Variants in HDAC4 observed in about 807,000 individuals in gnomAD.
The protein encoded by HDAC4 is histone deacetylase A.
In HDAC4, 16 loss-of-function variants were observed where a neutral mutation model predicts 135.1. The observed-to-expected ratio is 0.12, with a 90% CI of 0.08 to 0.18. HDAC4 has a LOEUF of 0.18. HDAC4 is among the 10% of genes least tolerant of loss of function. The pLI is 1.00. For synonymous variants in HDAC4, 685 were observed against 653.4 expected (o/e 1.05, Z -0.74); for missense variants, 1,143 against 1,511.8 (o/e 0.76, Z 4.05).
intron 9 of HDAC4, among the ~76,000 whole-genome samples, chr2:239,138,702 C>G (rs1427668618): frequency 6.6e-6 from 1 of 152,202 alleles, no homozygotes; most frequent in Non-Finnish European, 1.5e-5. Context: ...TCCCCGTGCT[C>G]TGGGGGTGGC....
intron 1 of HDAC4, among the ~76,000 whole-genome samples, chr2:239,368,980 G>A (rs1259499800): frequency 2.6e-5 from 4 of 152,138 alleles, no homozygotes; most frequent in African/African-American, 9.7e-5. Context: ...TCACCTGGGG[G>A]GAGGTGAATG....
rs1020172239 is a variant in HDAC4 at position 239,349,228 on chromosome 2, G to A, written c.22+3450C>T. Among the ~76,000 whole-genome samples, 3 of 152,100 alleles carry A rather than the reference G, an allele frequency of 2.0e-5. No homozygotes were observed. The highest frequency in any genetic ancestry group is 4.8e-5 in the African/African-American group (2 of 41,422). On this transcript the variant is annotated intron_variant, in intron 2 of 26. Transcript: ENST00000543185. The surrounding 1 kb of genome is among the most constrained non-coding windows in gnomAD (Gnocchi z 5.7). ...AGGACAGGGCCAGCTAGCAGAGGAC[G>A]GCACGAGAGACACACGGAGGGAGGG...
At chr2:239,201,277 G>A (rs2045739217) in intron 3 of HDAC4, among the ~76,000 whole-genome samples, 1 of 152,158 alleles carries the variant, frequency 6.6e-6, no homozygotes, top group Admixed American at 6.5e-5. Context: ...GTCACCCAGG[G>A]GGGTGCCTCA....
At chr2:239,088,760 T>G (rs993788349) in intron 18 of HDAC4, among the ~76,000 whole-genome samples, 6 of 152,238 alleles carry the variant, frequency 3.9e-5, no homozygotes, top group African/African-American at 1.4e-4. Context: ...CGTGAGAAAC[T>G]GTGAGCTTTC....
chr2:239,166,608 C>A (rs935678275), intron 5 of HDAC4, among the ~76,000 whole-genome samples: 1 of 152,240 alleles, frequency 6.6e-6, no homozygotes, highest in African/African-American at 2.4e-5. Context: ...AGATCACACA[C>A]TTATGGAAAC....
At chr2:239,397,533 G>A (rs1041927170) in intron 1 of HDAC4, among the ~76,000 whole-genome samples, 1 of 152,178 alleles carries the variant, frequency 6.6e-6, no homozygotes, top group Non-Finnish European at 1.5e-5. Flanking sequence ...AGGTGTGTCA[G>A]CAAGGCCACA....
At chr2:239,336,629 T>C (rs1428487421) in intron 2 of HDAC4, among the ~76,000 whole-genome samples, 2 of 152,244 alleles carry the variant, frequency 1.3e-5, no homozygotes, top group Admixed American at 6.5e-5. Context: ...ATGTACTTCA[T>C]TTTGTGAACT....
At chr2:239,333,717 G>A (rs1691737461) in intron 2 of HDAC4, among the ~76,000 whole-genome samples, 1 of 152,012 alleles carries the variant, frequency 6.6e-6, no homozygotes, top group Non-Finnish European at 1.5e-5. Context: ...TTTGTAGATG[G>A]AAAAAGATCA....
At chr2:239,395,565 G>A (rs55900985) in intron 1 of HDAC4, among the ~76,000 whole-genome samples, 23,621 of 152,106 alleles carry the variant, frequency 0.16, 2,933 homozygotes, top group East Asian at 0.58. Flanking sequence ...AGTAATACAC[G>A]CTTACCAAAA....
chr2:239,395,336 G>A (rs1265396062), intron 1 of HDAC4, among the ~76,000 whole-genome samples: 1 of 152,154 alleles, frequency 6.6e-6, no homozygotes, highest in African/African-American at 2.4e-5. Context: ...CCTGCTTCTG[G>A]TGGAAACCTG....
chr2:239,147,581 TG>T (rs1004314080), intron 7 of HDAC4, among the ~76,000 whole-genome samples: 13 of 152,248 alleles, frequency 8.5e-5, no homozygotes, highest in Non-Finnish European at 1.2e-4. Flanking sequence ...TGTGGCCAGG[TG>T]GAGGAACTGC....
chr2:239,091,568 A>C (rs530314692), intron 17 of HDAC4: 1 of 152,048 alleles, frequency 6.6e-6, no homozygotes, highest in Non-Finnish European at 1.5e-5. Context: ...CCTTCCCCAG[A>C]CCAGGCCCTC....
chr2:239,363,421 G>A (rs929501150), intron 1 of HDAC4, among the ~76,000 whole-genome samples: 2 of 152,220 alleles, frequency 1.3e-5, no homozygotes, highest in Non-Finnish European at 2.9e-5. Flanking sequence ...AAACCAAGGA[G>A]AATATGCTAG....
chr2:239,069,364 G>A (rs1447623307), intron 22 of HDAC4, among the ~76,000 whole-genome samples: 1 of 97,846 alleles, frequency 1.0e-5, no homozygotes, highest in Non-Finnish European at 2.2e-5. Context: ...AGGGAGTCAC[G>A]GTGCAAGCCA....
intron 2 of HDAC4, among the ~76,000 whole-genome samples, chr2:239,276,539 G>A (rs2050375995): frequency 6.6e-6 from 1 of 152,196 alleles, no homozygotes; most frequent in South Asian, 2.1e-4. Flanking sequence ...CACCAGTCAT[G>A]GGGACCTAAG....
chr2:239,136,331 G>A (rs1436040303), intron 9 of HDAC4, among the ~76,000 whole-genome samples: 2 of 152,124 alleles, frequency 1.3e-5, no homozygotes, highest in African/African-American at 4.8e-5. Flanking sequence ...CTTAACATGA[G>A]GGCCTCTAGT....
At chr2:239,293,682 C>G (rs908611162) in intron 2 of HDAC4, among the ~76,000 whole-genome samples, 1 of 152,196 alleles carries the variant, frequency 6.6e-6, no homozygotes, top group African/African-American at 2.4e-5. Context: ...CATCTCTGGG[C>G]TCTCTCCAGC....
At chr2:239,277,621 G>A (rs1015142181) in intron 2 of HDAC4, among the ~76,000 whole-genome samples, 16 of 152,122 alleles carry the variant, frequency 1.1e-4, no homozygotes, top group African/African-American at 2.9e-4. Context: ...ACGCATCCCC[G>A]GAACCAGTGA....
Position 239,056,591 on chromosome 2 carries a change from TACAC to T in HDAC4, c.3004-1762_3004-1759del, listed in dbSNP as rs1052634149. Among the ~76,000 whole-genome samples, 34 of 152,156 alleles carry T rather than the reference TACAC, an allele frequency of 2.2e-4. No homozygotes were observed. In the South Asian group the frequency reaches 2.9e-3, roughly 13 times the overall value. On this transcript the variant is annotated intron_variant, in intron 24 of 26. Coordinates refer to ENST00000543185, the MANE Select transcript of HDAC4 (RefSeq NM_001378414.1). ...ACCGGGATATGAATAAATAACGAAA[TACAC>T]ACACAGGGGAGCAGAGACAACTCCT...
Sources: allele counts gnomAD v4.1 joint callset (sites outside exome capture counted in the v4.1 genomes callset), GRCh38; gene constraint gnomAD v4.1.1; non-coding constraint Gnocchi (gnomAD v3.1); transcripts MANE v1.5; gene names NCBI Gene and HGNC (gene_info 2026-07-23, HGNC 2026-07-21).